PTPRD: variants seen among roughly 807,000 people sequenced by gnomAD.
PTPRD encodes the protein protein tyrosine phosphatase receptor type D.
A neutral mutation model predicts 214.5 loss-of-function variants in PTPRD; 34 were observed. The observed-to-expected ratio is 0.16, with a 90% CI of 0.12 to 0.21. The LOEUF is 0.21. Among genes scored for constraint, PTPRD ranks in the 10% least tolerant of loss-of-function variants. The pLI is 1.00. For missense variants in PTPRD, 2,545 were observed against 2,398.7 expected, an observed-to-expected ratio of 1.06 and a Z score of -1.27; for synonymous variants, 1,128 against 845.7, an observed-to-expected ratio of 1.33 and a Z score of -5.79.
chr9:10,069,167 GAC>G (rs1208244220), intron 3 of PTPRD, among the ~76,000 whole-genome samples: 1 of 151,904 alleles, frequency 6.6e-6, no homozygotes, highest in African/African-American at 2.4e-5. Context: ...CCATCTATCT[GAC>G]AGGGAAGGGA....
At chr9:8,621,120 C>T (rs752399642) in intron 14 of PTPRD, among the ~76,000 whole-genome samples, 1 of 151,882 alleles carries the variant, frequency 6.6e-6, no homozygotes, top group Non-Finnish European at 1.5e-5. Context: ...GGCCCTAATT[C>T]CAAAGATTCC....
At chr9:8,973,836 T>A (rs2099253105) in intron 11 of PTPRD, among the ~76,000 whole-genome samples, 1 of 152,284 alleles carries the variant, frequency 6.6e-6, no homozygotes, top group Admixed American at 6.5e-5. Context: ...CATTTTTTCA[T>A]GTGTTTGTTG....
intron 9 of PTPRD, among the ~76,000 whole-genome samples, chr9:9,265,782 A>G (rs1299537344): frequency 2.0e-5 from 3 of 151,460 alleles, no homozygotes; most frequent in South Asian, 4.1e-4. Flanking sequence ...AGGAAAGACA[A>G]CAACAACAAT....
intron 7 of PTPRD, among the ~76,000 whole-genome samples, chr9:9,594,817 C>T (rs536568366): frequency 6.6e-6 from 1 of 152,086 alleles, no homozygotes; most frequent in Non-Finnish European, 1.5e-5. Context: ...GGGAGAAAAT[C>T]TTCACAATCT....
At chr9:10,431,264 C>A (rs2098675102) in intron 2 of PTPRD, among the ~76,000 whole-genome samples, 1 of 152,052 alleles carries the variant, frequency 6.6e-6, no homozygotes, top group Admixed American at 6.6e-5. Flanking sequence ...CCCTTCCTTA[C>A]ACTTTATGCA....
At chr9:9,953,521 C>CACACAT (rs1566677916) in intron 4 of PTPRD, among the ~76,000 whole-genome samples, 2 of 148,968 alleles carry the variant, frequency 1.3e-5, no homozygotes, top group African/African-American at 2.5e-5. Context: ...CACACACACA[C>CACACAT]ACATACATAC....
intron 2 of PTPRD, among the ~76,000 whole-genome samples, chr9:10,410,798 A>C (rs142644602): frequency 6.6e-6 from 1 of 151,920 alleles, no homozygotes; most frequent in African/African-American, 2.4e-5. Flanking sequence ...GGAAATGCCA[A>C]AACCAACTAA....
chr9:10,464,144 T>C (rs891496528), intron 2 of PTPRD, among the ~76,000 whole-genome samples: 1 of 152,074 alleles, frequency 6.6e-6, no homozygotes, highest in African/African-American at 2.4e-5. Context: ...ACGCCTGTAA[T>C]CCCAGCACTC....
intron 12 of PTPRD, among the ~76,000 whole-genome samples, chr9:8,673,308 G>A (rs1344962510): frequency 6.6e-6 from 1 of 152,066 alleles, no homozygotes; most frequent in African/African-American, 2.4e-5. Context: ...TTCTCATGTT[G>A]TCACCTATTT....
At chr9:9,922,276 C>T (rs2082765930) in intron 5 of PTPRD, among the ~76,000 whole-genome samples, 2 of 152,108 alleles carry the variant, frequency 1.3e-5, no homozygotes, top group Admixed American at 1.3e-4. Flanking sequence ...CCCATCACCT[C>T]CCTTTCTCTC....
chr9:8,342,661 A>G (rs999731537), intron 39 of PTPRD, among the ~76,000 whole-genome samples: 2 of 152,076 alleles, frequency 1.3e-5, no homozygotes, highest in Non-Finnish European at 2.9e-5. Context: ...GTTTCCTGTC[A>G]TCTGTGTATC....
intron 7 of PTPRD, among the ~76,000 whole-genome samples, chr9:9,685,442 G>C (rs1439385777): frequency 6.6e-6 from 1 of 151,172 alleles, no homozygotes; most frequent in South Asian, 2.1e-4. Flanking sequence ...ATTTTATTTG[G>C]AATAAACTAT....
At chr9:10,364,004 T>TTTTTTTG (rs1235320533) in intron 2 of PTPRD, among the ~76,000 whole-genome samples, 2,279 of 130,070 alleles carry the variant, frequency 0.018, 228 homozygotes, top group African/African-American at 0.06. Flanking sequence ...TTTTTTTTTT[T>TTTTTTTG]TTTTTTTTTT....
chr9:9,734,941 G>C (rs1374919669), intron 6 of PTPRD, among the ~76,000 whole-genome samples: 1 of 152,052 alleles, frequency 6.6e-6, no homozygotes, highest in East Asian at 1.9e-4. Context: ...TTTTATGGGA[G>C]AAGCAGACCA....
At chr9:8,961,040 C>G (rs1174456782) in intron 11 of PTPRD, among the ~76,000 whole-genome samples, 1 of 152,004 alleles carries the variant, frequency 6.6e-6, no homozygotes, top group Non-Finnish European at 1.5e-5. Flanking sequence ...CAATCAATTA[C>G]AATTAATATA....
At chr9:10,487,527 C>A (rs2099140451) in intron 2 of PTPRD, among the ~76,000 whole-genome samples, 1 of 151,920 alleles carries the variant, frequency 6.6e-6, no homozygotes, top group Non-Finnish European at 1.5e-5. Flanking sequence ...ATCTTATAAC[C>A]CATTATTTTA....
intron 4 of PTPRD, among the ~76,000 whole-genome samples, chr9:10,024,787 C>G (rs1374384572): frequency 8.7e-6 from 1 of 114,608 alleles, no homozygotes; most frequent in East Asian, 3.1e-4. Context: ...CCCCTCCCCC[C>G]ACCCCACAAC....
At chr9:8,353,854 ATGTGTATATATGTATATATGTATATATG>A in intron 39 of PTPRD, among the ~76,000 whole-genome samples, 1 of 140,356 alleles carries the variant, frequency 7.1e-6, no homozygotes, top group Non-Finnish European at 1.6e-5. Flanking sequence ...ATATGTATAT[ATGTGTATATATGTATATATGTATATATG>A]TGTATATATG....
chr9:8,682,235 A>T (rs775772296), intron 12 of PTPRD, among the ~76,000 whole-genome samples: 1 of 152,218 alleles, frequency 6.6e-6, no homozygotes, highest in Non-Finnish European at 1.5e-5. Flanking sequence ...AGAAGTCTAA[A>T]TAAGAATGTA....
Sources: gnomAD v4.1 joint callset for allele counts (sites outside exome capture counted in the v4.1 genomes callset) on GRCh38, gnomAD v4.1.1 for gene constraint, MANE v1.5 for transcripts, NCBI Gene and HGNC (gene_info 2026-07-23, HGNC 2026-07-21) for gene names.